The following KAZN variants were observed in gnomAD, a reference collection of about 807,000 sequenced individuals.
The protein encoded by KAZN is kazrin, periplakin interacting protein.
KAZN carries 40 observed loss-of-function variants against 87.4 expected under a neutral mutation model. The observed-to-expected ratio is 0.46, with a 90% CI of 0.36 to 0.60. KAZN has a LOEUF of 0.60. Among genes scored for constraint, KAZN ranks in the 20% least tolerant of loss-of-function variants. KAZN has a pLI of 0.00. For synonymous variants in KAZN, 466 were observed against 458.3 expected, an observed-to-expected ratio of 1.02 and a Z score of -0.22; for missense variants, 898 against 1,073.9, an observed-to-expected ratio of 0.84 and a Z score of 2.29.
At chr1:14,442,040 G>A (rs1005808026) in intron 2 of KAZN, among the ~76,000 whole-genome samples, 1 of 152,208 alleles carries the variant, frequency 6.6e-6, no homozygotes, top group Non-Finnish European at 1.5e-5. Context: ...GGGAGCTGAA[G>A]TCCAGCTGAG....
intron 1 of KAZN, among the ~76,000 whole-genome samples, chr1:14,644,082 G>A (rs1170401725): frequency 5.3e-5 from 7 of 131,564 alleles, no homozygotes; most frequent in East Asian, 2.4e-4. Context: ...CGCAATCTCC[G>A]CTCACTGCAA....
intron 1 of KAZN, among the ~76,000 whole-genome samples, chr1:14,175,115 T>C (rs1646042837): frequency 6.6e-6 from 1 of 152,196 alleles, no homozygotes. Flanking sequence ...TTTTCGTTTT[T>C]GTTTTTGAAA....
chr1:14,926,672 C>T (rs1044067419), intron 1 of KAZN, among the ~76,000 whole-genome samples: 1 of 152,202 alleles, frequency 6.6e-6, no homozygotes, highest in African/African-American at 2.4e-5. Flanking sequence ...CTGAAACCAT[C>T]GGCTGTTACA....
At chr1:14,855,518 C>T (rs1649992417) in intron 1 of KAZN, among the ~76,000 whole-genome samples, 2 of 152,232 alleles carry the variant, frequency 1.3e-5, no homozygotes, top group African/African-American at 4.8e-5. Context: ...CAAATGTAGT[C>T]TTGCAATGAG....
At chr1:14,148,867 A>G (rs898159914) in intron 1 of KAZN, among the ~76,000 whole-genome samples, 4 of 152,266 alleles carry the variant, frequency 2.6e-5, no homozygotes, top group African/African-American at 9.6e-5. Flanking sequence ...TTTTCTTCAG[A>G]GAGTTCATTG....
intron 2 of KAZN, among the ~76,000 whole-genome samples, chr1:14,236,538 A>G (rs1274062271): frequency 6.6e-6 from 1 of 152,210 alleles, no homozygotes; most frequent in Non-Finnish European, 1.5e-5. Context: ...AGACCAGAGC[A>G]AAGCTCTGTT....
At chr1:14,159,294 G>C (rs1460752564) in intron 1 of KAZN, among the ~76,000 whole-genome samples, 1 of 152,170 alleles carries the variant, frequency 6.6e-6, no homozygotes, top group Non-Finnish European at 1.5e-5. Context: ...CTATTGTACT[G>C]TAGCTGATCT....
intron 1 of KAZN, among the ~76,000 whole-genome samples, chr1:14,125,632 G>A (rs760079531): frequency 2.8e-4 from 42 of 152,206 alleles, no homozygotes; most frequent in Non-Finnish European, 3.5e-4. Flanking sequence ...TTGGGGGAGC[G>A]GGGCCCTGCT....
intron 12 of KAZN, 30 bp from the exon 13 acceptor site, chr1:15,103,993 G>A (rs1208692023): frequency 1.9e-6 from 3 of 1,604,474 alleles, no homozygotes; most frequent in African/African-American, 2.7e-5. Context: ...GGCCCCTGCA[G>A]GCTAACAAGT....
chr1:14,516,199 C>A (rs1474569971), intron 2 of KAZN, among the ~76,000 whole-genome samples: 1 of 152,184 alleles, frequency 6.6e-6, no homozygotes, highest in African/African-American at 2.4e-5. Context: ...AAGGTTAGAG[C>A]AGGTTACAGA....
At chr1:14,544,942 G>T (rs1157582512) in intron 2 of KAZN, among the ~76,000 whole-genome samples, 1 of 152,032 alleles carries the variant, frequency 6.6e-6, no homozygotes, top group Non-Finnish European at 1.5e-5. Flanking sequence ...CCTGTGCTCT[G>T]TGAGTCTCCC....
At chr1:13,951,238 T>C (rs145271826) in intron 1 of KAZN, among the ~76,000 whole-genome samples, 1 of 152,078 alleles carries the variant, frequency 6.6e-6, no homozygotes, top group Non-Finnish European at 1.5e-5. Flanking sequence ...CAAGGCATAG[T>C]GTGGTAAGGG....
intron 1 of KAZN, among the ~76,000 whole-genome samples, chr1:14,883,712 G>C (rs142378175): frequency 4.1e-4 from 63 of 152,250 alleles, no homozygotes; most frequent in Non-Finnish European, 8.2e-4. Flanking sequence ...CCATCACATG[G>C]ACACAGGCAA....
rs1213603216 is a variant in KAZN, at chr1:15,099,457, C to T, written c.1548-2086C>T. ...CAGACTTGGGGGCAACTTCAGACAG[C>T]AAATTCAGAGAAAAGGGAGATTTGA... is the stretch of plus-strand genomic sequence containing the variant. On this transcript the variant is annotated intron_variant, in intron 10 of 14. Coordinates refer to ENST00000376030, the MANE Select transcript of KAZN (RefSeq NM_201628.3). This position sits in a 1 kb window ranked among gnomAD's most constrained non-coding sequence, Gnocchi z 5.4. Among the ~76,000 whole-genome samples, 1 of 152,018 alleles carries T rather than the reference C, an allele frequency of 6.6e-6. No individual in the cohort carries two copies. The highest frequency in any genetic ancestry group is 1.5e-5 in the Non-Finnish European group (1 of 68,024).
chr1:14,966,853 T>C (rs1473068938), intron 2 of KAZN, among the ~76,000 whole-genome samples: 3 of 152,108 alleles, frequency 2.0e-5, no homozygotes, highest in Non-Finnish European at 2.9e-5. Context: ...GTATTTTTAA[T>C]AGGACTGGGT....
rs569004713 is a variant in KAZN, at chr1:14,915,680, G to A, written c.227-45004G>A. 1.4e-4 allele frequency among the ~76,000 whole-genome samples: 21 copies of A among 152,332 alleles called. No individual in the cohort carries two copies. In the South Asian group the frequency reaches 4.3e-3, roughly 32 times the overall value. Reference sequence around the variant, plus strand: ...TCCATAACCCCTGATGTGGGAGGCAGTTTCGCAGAGGATACCCCTCAATTC... The same window carrying A: ...TCCATAACCCCTGATGTGGGAGGCAATTTCGCAGAGGATACCCCTCAATTC... On this transcript the variant is annotated intron_variant, in intron 1 of 14. Coordinates refer to ENST00000376030, the MANE Select transcript of KAZN (RefSeq NM_201628.3).
intron 2 of KAZN, among the ~76,000 whole-genome samples, chr1:14,229,495 G>A (rs1647607901): frequency 6.6e-6 from 1 of 152,194 alleles, no homozygotes; most frequent in Non-Finnish European, 1.5e-5. Context: ...GAGGAGAAAT[G>A]CAAAAGATGA....
At chr1:14,448,198 C>A (rs528811334) in intron 2 of KAZN, among the ~76,000 whole-genome samples, 1 of 152,324 alleles carries the variant, frequency 6.6e-6, no homozygotes, top group South Asian at 2.1e-4. Context: ...CAGAGGAGGG[C>A]ACTGAGACTG....
At chr1:14,141,591 C>T (rs572854845) in intron 1 of KAZN, among the ~76,000 whole-genome samples, 1 of 152,186 alleles carries the variant, frequency 6.6e-6, no homozygotes, top group African/African-American at 2.4e-5. Flanking sequence ...CTCCTTGGGC[C>T]TCAAAGAATT....
Sources: gnomAD v4.1 joint callset for allele counts (sites outside exome capture counted in the v4.1 genomes callset) on GRCh38, gnomAD v4.1.1 for gene constraint, Gnocchi (gnomAD v3.1) non-coding constraint, MANE v1.5 for transcripts, NCBI Gene and HGNC (gene_info 2026-07-23, HGNC 2026-07-21) for gene names.